The following CLDN16 variants were observed in gnomAD, a reference collection of about 807,000 sequenced individuals.
CLDN16 encodes claudin-16.
CLDN16 carries 13 observed loss-of-function variants against 24.6 expected under a neutral mutation model. That is an observed-to-expected ratio of 0.53 (90% CI 0.34 to 0.84). The LOEUF (loss-of-function observed/expected upper bound fraction) is 0.84, where lower values mean the gene tolerates loss of function less well. Among genes scored for constraint, CLDN16 ranks in the 40% least tolerant of loss-of-function variants. The pLI, the probability that CLDN16 is intolerant of heterozygous loss-of-function variation, is 0.01. For missense variants in CLDN16, 298 were observed against 292.7 expected, an observed-to-expected ratio of 1.02 and a Z score of -0.13; for synonymous variants, 116 against 106.7, an observed-to-expected ratio of 1.09 and a Z score of -0.54.
chr3:190,388,320 G>T lies in CLDN16; in HGVS notation c.-10G>T, dbSNP rs1277797748. On this transcript the variant is annotated 5_prime_UTR_variant, in exon 1 of 5. Transcript: ENST00000264734. The stretch of plus-strand genomic sequence containing the variant: ...GCCCATGTTGCCATCCTGATGGGCT[G>T]CTTGCCACAATGAGGGATCTTCTTC... 7.6e-5 allele frequency: 122 copies of T among 1,614,028 alleles called. No homozygotes were observed. The highest frequency in any genetic ancestry group is 9.7e-5 in the Non-Finnish European group (114 of 1,180,030).
At chr3:190,407,770 G>A (rs925404076) in intron 3 of CLDN16, among the ~76,000 whole-genome samples, 1 of 152,158 alleles carries the variant, frequency 6.6e-6, no homozygotes, top group African/African-American at 2.4e-5. Flanking sequence ...ATTTGTGTTT[G>A]ACCTCAAGAC....
At chr3:190,311,619 A>G in the CLDN16 span, among the ~76,000 whole-genome samples, 89 of 150,910 alleles carry the variant, frequency 5.9e-4, no homozygotes, top group African/African-American at 2.1e-3. Context: ...AAAATAATAT[A>G]CTATAATATA....
At chr3:190,348,334 A>AGT (rs751998073) in intron 1 of CLDN16, among the ~76,000 whole-genome samples, 1 of 79,792 alleles carries the variant, frequency 1.3e-5, no homozygotes, top group East Asian at 1.0e-3. Flanking sequence ...GCAAGACTGC[A>AGT]ATGTGTGTGT....
chr3:190,388,518 C>T (rs1718568857), intron 1 of CLDN16, 75 bp downstream of exon 1: 1 of 1,201,632 alleles, frequency 8.3e-7, no homozygotes, highest in Non-Finnish European at 1.2e-6. Flanking sequence ...CCATGTACAA[C>T]ATTCAGTATC....
intron 2 of CLDN16, among the ~76,000 whole-genome samples, chr3:190,371,482 G>A (rs1330478451): frequency 2.6e-5 from 4 of 151,882 alleles, no homozygotes; most frequent in Non-Finnish European, 4.4e-5. Context: ...AACTTAATAA[G>A]TCATAGACCA....
At chr3:190,345,097 AAC>A (rs1176997664) in intron 1 of CLDN16, among the ~76,000 whole-genome samples, 2 of 152,118 alleles carry the variant, frequency 1.3e-5, no homozygotes, top group East Asian at 1.9e-4. Context: ...CTCTCCACCT[AAC>A]ACACACACAG....
chr3:190,397,139 G>A (rs748065117), intron 1 of CLDN16, among the ~76,000 whole-genome samples: 2 of 152,016 alleles, frequency 1.3e-5, no homozygotes, highest in African/African-American at 2.4e-5. Context: ...CACATTTTTG[G>A]CAACTAATTA....
upstream of CLDN16, among the ~76,000 whole-genome samples, chr3:190,387,567 G>T (rs909833987): frequency 1.3e-5 from 2 of 152,120 alleles, no homozygotes; most frequent in Non-Finnish European, 2.9e-5. Context: ...TGCATTTTCA[G>T]AAACTACAGC....
At chr3:190,398,656 C>T (rs1718881419) in intron 1 of CLDN16, among the ~76,000 whole-genome samples, 1 of 152,160 alleles carries the variant, frequency 6.6e-6, no homozygotes. Flanking sequence ...TTAGTAAAGC[C>T]TAACACAGCC....
chr3:190,399,373 G>A (rs1718903281), intron 1 of CLDN16, among the ~76,000 whole-genome samples: 2 of 151,888 alleles, frequency 1.3e-5, no homozygotes, highest in Non-Finnish European at 1.5e-5. Context: ...GTAGCCTGGC[G>A]TGGTGGCGCA....
chr3:190,298,592 A>C, the CLDN16 span, among the ~76,000 whole-genome samples: 2 of 152,038 alleles, frequency 1.3e-5, no homozygotes, highest in African/African-American at 4.8e-5. Context: ...AGTAGCTGGA[A>C]TTACAGGCAT....
At chr3:190,316,983 A>G in the CLDN16 span, among the ~76,000 whole-genome samples, 2 of 152,200 alleles carry the variant, frequency 1.3e-5, no homozygotes, top group East Asian at 3.8e-4. Flanking sequence ...TATTTTTTAA[A>G]GTATGTATCT....
At chr3:190,365,305 C>A (rs1717996423) in intron 1 of CLDN16, among the ~76,000 whole-genome samples, 1 of 151,708 alleles carries the variant, frequency 6.6e-6, no homozygotes, top group Non-Finnish European at 1.5e-5. Flanking sequence ...CTGGCCTTCT[C>A]AGGATAGCCA....
chr3:190,404,774 T>G lies in CLDN16; in HGVS notation c.230T>G (p.Val77Gly), dbSNP rs1350393472. ...CCTGGTCTTCCAGTGAAGCTGGTGG[T>G]AACTCGAGCGTTGATGATTACTGCA... ...ILAEHPLKLV[V>G]TRALMITADI... is the part of the protein sequence containing the mutation. Residue 77 changes from valine (V) to glycine (G), a missense_variant, in exon 3 of 5, where the codon GTA becomes GGA. Transcript: ENST00000264734. 6.2e-7 allele frequency: 1 copy of G among 1,614,186 alleles called. No individual in the cohort carries two copies. Among genetic ancestry groups the G allele is most frequent in the Non-Finnish European group, 8.5e-7 (1 of 1,180,024 alleles).
rs139733490 is a variant in CLDN16 at position 190,360,497 on chromosome 3, G to A, written n.122-10396G>A. Among the ~76,000 whole-genome samples the A allele has an allele frequency of 4.9e-4, 75 of 152,010 alleles. 1 individual carries two copies. The East Asian group carries it at 0.013, about 26-fold the overall frequency. On this transcript the variant is annotated intron_variant and non_coding_transcript_variant, in intron 1 of 4. Transcript: ENST00000468220. ...AGAGATAATAAGAAACTCAACTGGTGTAATAGCAGAGTTGAAATAGGGAGG... is the reference window on the plus strand; with the variant it reads ...AGAGATAATAAGAAACTCAACTGGTATAATAGCAGAGTTGAAATAGGGAGG...
At chr3:190,334,219 T>G (rs866755953) in intron 1 of CLDN16, among the ~76,000 whole-genome samples, 6 of 152,362 alleles carry the variant, frequency 3.9e-5, no homozygotes, top group Non-Finnish European at 4.4e-5. Flanking sequence ...ACTATACGTG[T>G]GTGTTTAGCA....
intron 1 of CLDN16, among the ~76,000 whole-genome samples, chr3:190,327,912 C>G (rs1482319393): frequency 6.6e-6 from 1 of 152,110 alleles, no homozygotes; most frequent in Non-Finnish European, 1.5e-5. Context: ...AATTTTGACT[C>G]ACAAGTAGAT....
chr3:190,293,892 A>C, the CLDN16 span, among the ~76,000 whole-genome samples: 1 of 152,162 alleles, frequency 6.6e-6, no homozygotes. Flanking sequence ...GGGATCAATA[A>C]TTTGGTTTCG....
At chr3:190,392,407 C>A (rs1718703527) in intron 1 of CLDN16, among the ~76,000 whole-genome samples, 1 of 149,606 alleles carries the variant, frequency 6.7e-6, no homozygotes, top group East Asian at 2.0e-4. Context: ...TTCTTTCTAC[C>A]TTTTGTCATT....
Sources: gnomAD v4.1 joint callset for allele counts (sites outside exome capture counted in the v4.1 genomes callset) on GRCh38, gnomAD v4.1.1 for gene constraint, MANE v1.5 for transcripts, NCBI Gene and HGNC (gene_info 2026-07-23, HGNC 2026-07-21) for gene names.